The following NPTXR variants were observed in gnomAD, a reference collection of about 807,000 sequenced individuals.
NPTXR encodes neuronal pentraxin receptor.
A neutral mutation model predicts 32.2 loss-of-function variants in NPTXR; 12 were observed. The ratio of observed to expected loss-of-function variants is 0.37; its 90% CI spans 0.24 to 0.60. NPTXR has a LOEUF of 0.60. Ranked by LOEUF, NPTXR falls within the 20% of genes least tolerant of loss-of-function variation. The probability of loss-of-function intolerance (pLI) is 0.66; values close to 1 mark genes in which losing one functional copy is unlikely to be tolerated. For missense variants in NPTXR, 612 were observed against 682.9 expected (o/e 0.90, Z 1.16); for synonymous variants, 323 against 315.8 (o/e 1.02, Z -0.24).
intron 1 of NPTXR, among the ~76,000 whole-genome samples, chr22:38,836,522 C>T (rs1487451243): frequency 3.3e-5 from 5 of 152,232 alleles, no homozygotes. Flanking sequence ...CAGCTGTCTG[C>T]GTCCATTTGT....
rs1407548621 is a variant in NPTXR, at chr22:38,826,476, GCCCT to G, written c.1098+20_1098+23del. On this transcript the variant is annotated intron_variant, in intron 3 of 4. Coordinates refer to ENST00000333039, the MANE Select transcript of NPTXR (RefSeq NM_014293.4). The stretch of plus-strand genomic sequence containing the variant: ...TGGAAGGGTGGCCCTCCCCCAGCCA[GCCCT>G]CCCTGCCAGCCCTGCCTACCTTGTC... 6.3e-7 allele frequency: 1 copy of G among 1,582,730 alleles called. No individual in the cohort carries two copies. Among genetic ancestry groups the G allele is most frequent in the African/African-American group, 1.3e-5 (1 of 74,490 alleles).
intron 1 of NPTXR, among the ~76,000 whole-genome samples, chr22:38,838,959 A>G (rs1429911010): frequency 6.6e-6 from 1 of 152,136 alleles, no homozygotes; most frequent in Non-Finnish European, 1.5e-5. Flanking sequence ...ATGAAGAACG[A>G]GGGCTCTACA....
chr22:38,843,166 C>G lies in NPTXR; in HGVS notation c.624+69G>C. ...CGGGAGACCGGAGGCTCGGGGACCGCCGGACGACCGCGGCCGGGCGGCCCC... is the reference window on the plus strand; with the variant it reads ...CGGGAGACCGGAGGCTCGGGGACCGGCGGACGACCGCGGCCGGGCGGCCCC... On this transcript the variant is annotated intron_variant, in intron 1 of 4. Coordinates refer to ENST00000333039, the MANE Select transcript of NPTXR (RefSeq NM_014293.4). This position sits in a 1 kb window ranked among gnomAD's most constrained non-coding sequence, Gnocchi z 5.3. The G allele has an allele frequency of 8.0e-7, 1 of 1,246,914 alleles. No homozygotes were observed. Among genetic ancestry groups the G allele is most frequent in the Non-Finnish European group, 1.0e-6 (1 of 992,920 alleles). 77.2% of individuals were successfully genotyped at this position (1,246,914 alleles called of 1,614,324 possible). A position where few individuals can be genotyped will look rare whatever the true frequency, so the allele number is the denominator to read the frequency against.
chr22:38,825,996 C>T (rs1246932391), intron 3 of NPTXR, among the ~76,000 whole-genome samples: 5 of 152,170 alleles, frequency 3.3e-5, no homozygotes, highest in Non-Finnish European at 5.9e-5. Flanking sequence ...GTGCCCACCA[C>T]CACACCCGGC....
intron 1 of NPTXR, among the ~76,000 whole-genome samples, chr22:38,830,038 C>A (rs922442019): frequency 6.6e-6 from 1 of 152,174 alleles, no homozygotes. Flanking sequence ...AGCCATGGGA[C>A]AAGGGGAGAA....
At chr22:38,827,279 A>G (rs1224058922) in intron 2 of NPTXR, among the ~76,000 whole-genome samples, 18 of 89,870 alleles carry the variant, frequency 2.0e-4, no homozygotes, top group Admixed American at 1.1e-3. Flanking sequence ...TTTTTTTTTG[A>G]GACGGAGTTT....
In NPTXR at chr22:38,819,003, T is replaced by A. The variant is rs185227121; in HGVS notation, c.*3606A>T. The A allele has an allele frequency of 2.0e-5, 3 of 152,276 alleles. No homozygotes were observed. Among genetic ancestry groups the A allele is most frequent in the African/African-American group, 7.2e-5 (3 of 41,466 alleles). 9.4% of individuals were successfully genotyped at this position (152,276 alleles called of 1,614,324 possible). On this transcript the variant is annotated 3_prime_UTR_variant, in exon 5 of 5. Transcript: ENST00000333039. ...CTCCCCTCCCCGGGCTTCAGCTTCC[T>A]CATCTGTAAAATGAGGGCTTTGGCC...
At chr22:38,837,859 T>C (rs2093126375) in intron 1 of NPTXR, among the ~76,000 whole-genome samples, 1 of 151,190 alleles carries the variant, frequency 6.6e-6, no homozygotes. Context: ...TATTTTATTT[T>C]ATTTTATTTT....
Position 38,820,407 on chromosome 22 carries a change from C to T in NPTXR, c.*2202G>A, listed in dbSNP as rs1014258444. ...TGCAGCTCTTGCATCATGTCTCAGG[C>T]TAAGTGGCCTCAGGGAGTGGAGATA... On this transcript the variant is annotated 3_prime_UTR_variant, in exon 5 of 5. Coordinates refer to ENST00000333039, the MANE Select transcript of NPTXR (RefSeq NM_014293.4). 10 of 152,496 alleles carry T rather than the reference C, an allele frequency of 6.6e-5. No individual in the cohort carries two copies. Among genetic ancestry groups the T allele is most frequent in the African/African-American group, 2.2e-4 (9 of 41,448 alleles). The allele number at this position is 152,496 out of a possible 1,614,324, so 9.4% of individuals were successfully genotyped here. A position where few individuals can be genotyped will look rare whatever the true frequency, so the allele number is the denominator to read the frequency against.
At chr22:38,829,331 A>G (rs2093112536) in intron 1 of NPTXR, among the ~76,000 whole-genome samples, 1 of 152,100 alleles carries the variant, frequency 6.6e-6, no homozygotes, top group South Asian at 2.1e-4. Context: ...AGAGTTCCCC[A>G]TGACATGCCT....
Position 38,831,580 on chromosome 22 carries a change from G to A in NPTXR, c.625-3068C>T, listed in dbSNP as rs141454565. 3.6e-3 allele frequency among the ~76,000 whole-genome samples: 551 copies of A among 152,250 alleles called. 6 individuals carry two copies. The highest frequency in any genetic ancestry group is 0.013 in the African/African-American group (529 of 41,534). ...CCAGAGCCTTCAGGTGACACTGGAT[G>A]GCCCACAGGGTGACAGGGTCAGCCA... is the stretch of plus-strand genomic sequence containing the variant. On this transcript the variant is annotated intron_variant, in intron 1 of 4. Coordinates refer to ENST00000333039, the MANE Select transcript of NPTXR (RefSeq NM_014293.4).
chr22:38,826,957 G>A (rs899739833), intron 2 of NPTXR, among the ~76,000 whole-genome samples: 4 of 152,284 alleles, frequency 2.6e-5, no homozygotes, highest in Admixed American at 1.3e-4. Context: ...ACCAAATCTC[G>A]TCTCCCCCAC....
At position 38,828,379 on chromosome 22, in the gene NPTXR, C is replaced by A; in HGVS notation, c.758G>T (p.Arg253Leu). 6.2e-7 allele frequency: 1 copy of A among 1,612,866 alleles called. No individual in the cohort carries two copies. The highest frequency in any genetic ancestry group is 8.5e-7 in the Non-Finnish European group (1 of 1,179,988). Residue 253 changes from arginine to leucine, a missense_variant, in exon 2 of 5, where the codon CGT (arginine) becomes CTT (leucine). Physicochemically the swap from Arg to Leu is moderately radical, Grantham distance 102 (BLOSUM62 -2). Coordinates refer to ENST00000333039, the MANE Select transcript of NPTXR (RefSeq NM_014293.4). ...GCGGCTGCTGTGGCTGAGGGCCACA[C>A]GCTCCTTCTCCAGTGCCAGCACCTG...
intron 1 of NPTXR, among the ~76,000 whole-genome samples, chr22:38,829,606 C>T (rs759185283): frequency 2.0e-5 from 3 of 152,178 alleles, no homozygotes; most frequent in Admixed American, 6.5e-5. Context: ...CCATGGTCCC[C>T]GCTACCAGGC....
intron 2 of NPTXR, among the ~76,000 whole-genome samples, 174 bp downstream of exon 2, chr22:38,828,113 A>C (rs1164595705): frequency 6.6e-6 from 1 of 152,208 alleles, no homozygotes; most frequent in Non-Finnish European, 1.5e-5. Context: ...TCTGTTAATA[A>C]TGTTGATAAT....
intron 1 of NPTXR, among the ~76,000 whole-genome samples, chr22:38,830,362 T>G (rs545653007): frequency 2.7e-4 from 41 of 152,118 alleles, no homozygotes; most frequent in African/African-American, 9.4e-4. Flanking sequence ...TTTGGGTGCA[T>G]GGGGTAGGTG....
Position 38,820,508 on chromosome 22 carries a change from G to A in NPTXR, c.*2101C>T, listed in dbSNP as rs1398167599. 1 of 152,188 alleles carries A rather than the reference G, an allele frequency of 6.6e-6. No homozygotes were observed. The highest frequency in any genetic ancestry group is 1.5e-5 in the Non-Finnish European group (1 of 68,064). 9.4% of individuals were successfully genotyped at this position (152,188 alleles called of 1,614,324 possible). The stretch of plus-strand genomic sequence containing the variant: ...ATGCAGCTGCTCAGACACCTGGTAG[G>A]TGACTAGCAGGGGAGGGACACCTCA... On this transcript the variant is annotated 3_prime_UTR_variant, in exon 5 of 5. Transcript: ENST00000333039.
At chr22:38,836,161 C>T (rs1252158555) in intron 1 of NPTXR, among the ~76,000 whole-genome samples, 5 of 152,128 alleles carry the variant, frequency 3.3e-5, no homozygotes, top group Non-Finnish European at 5.9e-5. Context: ...GCGAGGTTTA[C>T]ACGCGGGCGG....
chr22:38,834,687 G>A lies in NPTXR; in HGVS notation c.625-6175C>T, dbSNP rs943352859. On this transcript the variant is annotated intron_variant, in intron 1 of 4. Transcript: ENST00000333039. The surrounding 1 kb of genome is among the most constrained non-coding windows in gnomAD (Gnocchi z 4.4). ...CGTAGTTGCAGACACGAACTGTCAC[G>A]TTAGACAGGCCAGCGTCATTTTCAG... 5.9e-5 allele frequency among the ~76,000 whole-genome samples: 9 copies of A among 151,986 alleles called. No individual in the cohort carries two copies. Among genetic ancestry groups the A allele is most frequent in the East Asian group, 5.8e-4 (3 of 5,188 alleles).
Sources: gnomAD v4.1 joint callset for allele counts (sites outside exome capture counted in the v4.1 genomes callset) on GRCh38, gnomAD v4.1.1 for gene constraint, Gnocchi (gnomAD v3.1) non-coding constraint, MANE v1.5 for transcripts, NCBI Gene and HGNC (gene_info 2026-07-23, HGNC 2026-07-21) for gene names.